SLC13A1: variants seen among roughly 807,000 people sequenced by gnomAD.
SLC13A1 encodes Na(+)/sulfate cotransporter.
Under a neutral mutation model 70.0 loss-of-function variants are expected in SLC13A1, and 65 were observed. The observed-to-expected ratio is 0.93, with a 90% confidence interval of 0.76 to 1.14. SLC13A1 has a LOEUF of 1.14. Among genes scored for constraint, SLC13A1 ranks in the 50% most tolerant of loss-of-function variants. The pLI, the probability that SLC13A1 is intolerant of heterozygous loss-of-function variation, is 0.00. For missense variants in SLC13A1, 726 were observed against 717.8 expected, an observed-to-expected ratio of 1.01 and a Z score of -0.13; for synonymous variants, 275 against 250.5, an observed-to-expected ratio of 1.10 and a Z score of -0.92.
chr7:123,146,263 G>A (rs994443714), intron 7 of SLC13A1, among the ~76,000 whole-genome samples: 10 of 152,172 alleles, frequency 6.6e-5, no homozygotes, highest in African/African-American at 2.4e-4. Flanking sequence ...AGGGGCTCAT[G>A]CCTATAATCC....
At chr7:123,149,651 T>G (rs576729255) in intron 6 of SLC13A1, 1 of 456,232 alleles carries the variant, frequency 2.2e-6, no homozygotes, top group Non-Finnish European at 4.4e-6. Flanking sequence ...AATACCTAAG[T>G]GTGTGCTTGA....
rs77276464 is a variant in SLC13A1, at chr7:123,183,355, C to T, written c.100-2254G>A. On this transcript the variant is annotated intron_variant, in intron 1 of 14. Coordinates refer to ENST00000194130, the MANE Select transcript of SLC13A1 (RefSeq NM_022444.4). ...TAACAAACTGAGATATTTGGTAACA[C>T]TGGGATCATATTCTTCCATGGCAAC... 8.3e-3 allele frequency among the ~76,000 whole-genome samples: 1,268 copies of T among 152,212 alleles called. 19 individuals carry two copies. The highest frequency in any genetic ancestry group is 0.028 in the African/African-American group (1,178 of 41,540).
At chr7:123,117,448 A>C in intron 14 of SLC13A1, 23 bp downstream of exon 14, 1 of 1,602,560 alleles carries the variant, frequency 6.2e-7, no homozygotes, top group Non-Finnish European at 8.5e-7. Flanking sequence ...TGGATTTGAT[A>C]GTATTTTTTT....
At chr7:123,170,838 T>G (rs1487985891) in intron 3 of SLC13A1, among the ~76,000 whole-genome samples, 1 of 151,870 alleles carries the variant, frequency 6.6e-6, no homozygotes, top group Non-Finnish European at 1.5e-5. Flanking sequence ...CTTGGCCTCC[T>G]AAAGTGCTGG....
In SLC13A1 at chr7:123,155,343, A is replaced by G. The variant is rs559867372; in HGVS notation, c.661-8033T>C. 8.8e-4 allele frequency among the ~76,000 whole-genome samples: 133 copies of G among 151,742 alleles called. 1 individual carries two copies. Among genetic ancestry groups the G allele is most frequent in the African/African-American group, 3.1e-3 (128 of 41,420 alleles). ...TTATATCTCTATATTTTACATTTAT[A>G]CTTTATTTTATATTTACATATTTTG... is the stretch of plus-strand genomic sequence containing the variant. On this transcript the variant is annotated intron_variant, in intron 6 of 14. Coordinates refer to ENST00000194130, the MANE Select transcript of SLC13A1 (RefSeq NM_022444.4).
intron 6 of SLC13A1, among the ~76,000 whole-genome samples, chr7:123,151,820 C>T (rs1457092228): frequency 2.6e-5 from 4 of 152,020 alleles, no homozygotes; most frequent in African/African-American, 7.2e-5. Flanking sequence ...TTCCTCATCC[C>T]GTCAAATTCT....
chr7:123,172,607 T>C (rs1026523601), intron 2 of SLC13A1, among the ~76,000 whole-genome samples: 2 of 152,112 alleles, frequency 1.3e-5, no homozygotes, highest in Non-Finnish European at 2.9e-5. Context: ...GGCGACAGAG[T>C]GAGACTTCAT....
intron 6 of SLC13A1, among the ~76,000 whole-genome samples, chr7:123,158,607 G>C (rs1242438350): frequency 6.6e-6 from 1 of 151,798 alleles, no homozygotes; most frequent in Non-Finnish European, 1.5e-5. Context: ...AGATTCAGGA[G>C]AAATATGCAC....
rs774990981 is a variant in SLC13A1, at chr7:123,168,519, G to A, written c.596C>T (p.Thr199Ile). Residue 199 changes from threonine (T) to isoleucine (I), a missense_variant, in exon 5 of 15, where the codon ACA becomes ATA. Transcript: ENST00000194130. ...TATTCCTTACCCTGGAACTGGTTTT[G>A]TTTTCTCTTTCCTCTCATTTATTTC... is the stretch of plus-strand genomic sequence containing the variant. ...GHEINERKEK[T>I]KPVPGYNNDT... The A allele has an allele frequency of 5.3e-5, 85 of 1,610,534 alleles. No individual in the cohort carries two copies. The South Asian group carries it at 9.0e-4, about 17-fold the overall frequency.
At chr7:123,197,831 G>A (rs1182322669) in intron 1 of SLC13A1, among the ~76,000 whole-genome samples, 1 of 152,108 alleles carries the variant, frequency 6.6e-6, no homozygotes, top group Admixed American at 6.6e-5. Context: ...CCCAGTGAAT[G>A]AATCATGTAC....
intron 7 of SLC13A1, among the ~76,000 whole-genome samples, chr7:123,141,368 A>G (rs1794135458): frequency 6.6e-6 from 1 of 152,186 alleles, no homozygotes; most frequent in African/African-American, 2.4e-5. Flanking sequence ...TGCTGAGGAA[A>G]AGAATGTGTA....
At chr7:123,199,796 G>T in intron 1 of SLC13A1, 52 bp downstream of exon 1, 1 of 1,335,928 alleles carries the variant, frequency 7.5e-7, no homozygotes, top group Non-Finnish European at 1.1e-6. Context: ...TTTAATAAAG[G>T]ACAATTAAAT....
At chr7:123,152,254 G>A (rs1794581283) in intron 6 of SLC13A1, among the ~76,000 whole-genome samples, 1 of 151,876 alleles carries the variant, frequency 6.6e-6, no homozygotes. Context: ...ATCTATCAAG[G>A]GACACTTAAG....
At position 123,114,240 on chromosome 7, in the gene SLC13A1, G is replaced by C. The variant is rs1793109354; in HGVS notation, c.*1278C>G. Reference sequence around the variant, plus strand: ...TCATTTTTCCTTTAGCTGAATTTTGGAATGCCAATAGCACTTACTCTTTAA... The same window carrying C: ...TCATTTTTCCTTTAGCTGAATTTTGCAATGCCAATAGCACTTACTCTTTAA... On this transcript the variant is annotated 3_prime_UTR_variant, in exon 15 of 15. Coordinates refer to ENST00000194130, the MANE Select transcript of SLC13A1 (RefSeq NM_022444.4). 6.6e-6 allele frequency: 1 copy of C among 151,826 alleles called. No homozygotes were observed. Among genetic ancestry groups the C allele is most frequent in the Admixed American group, 6.6e-5 (1 of 15,254 alleles). The allele number at this position is 151,826 out of a possible 1,614,324, so 9.4% of individuals were successfully genotyped here. A position where few individuals can be genotyped will look rare whatever the true frequency, so the allele number is the denominator to read the frequency against.
At chr7:123,180,952 G>A (rs1169160614) in intron 2 of SLC13A1, 21 bp downstream of exon 2, 18 of 1,596,246 alleles carry the variant, frequency 1.1e-5, no homozygotes, top group African/African-American at 1.4e-5. Context: ...ATCAACTTAT[G>A]ACATTGGCAA....
At chr7:123,117,878 A>G (rs780442245) in intron 13 of SLC13A1, among the ~76,000 whole-genome samples, 2 of 151,854 alleles carry the variant, frequency 1.3e-5, no homozygotes, top group Non-Finnish European at 2.9e-5. Flanking sequence ...CTAAACAAAA[A>G]CAGCAACCAT....
intron 1 of SLC13A1, chr7:123,190,597 G>C (rs1247997139): frequency 2.2e-6 from 1 of 456,616 alleles, no homozygotes; most frequent in Non-Finnish European, 4.4e-6. Flanking sequence ...TCTTCATCTT[G>C]GAAAAGTCAG....
chr7:123,156,765 C>T (rs1156231690), intron 6 of SLC13A1, among the ~76,000 whole-genome samples: 1 of 152,044 alleles, frequency 6.6e-6, no homozygotes, highest in Admixed American at 6.6e-5. Context: ...TCCATGCCTT[C>T]TCTTTGGCCC....
At chr7:123,124,260 A>G (rs1793483898) in intron 11 of SLC13A1, among the ~76,000 whole-genome samples, 2 of 152,296 alleles carry the variant, frequency 1.3e-5, no homozygotes, top group South Asian at 4.1e-4. Context: ...AAAGCCAAAC[A>G]TGGATTCCTC....
Sources: gnomAD v4.1 joint callset for allele counts (sites outside exome capture counted in the v4.1 genomes callset) on GRCh38, gnomAD v4.1.1 for gene constraint, MANE v1.5 for transcripts, NCBI Gene and HGNC (gene_info 2026-07-23, HGNC 2026-07-21) for gene names.